The following IGF2BP2 variants were observed in gnomAD, a reference collection of about 807,000 sequenced individuals.
The protein encoded by IGF2BP2 is insulin-like growth factor 2 mRNA-binding protein 2.
Under a neutral mutation model 75.8 loss-of-function variants are expected in IGF2BP2, and 17 were observed. That is an observed-to-expected ratio of 0.22 (90% CI 0.15 to 0.34). The LOEUF (loss-of-function observed/expected upper bound fraction) is 0.34, where lower values mean the gene tolerates loss of function less well. IGF2BP2 is among the 10% of genes least tolerant of loss of function. The pLI is 1.00. For missense variants in IGF2BP2, 516 were observed against 772.4 expected (o/e 0.67, Z 3.93); for synonymous variants, 288 against 295.6 (o/e 0.97, Z 0.26).
intron 2 of IGF2BP2, among the ~76,000 whole-genome samples, chr3:185,735,086 T>A (rs960240779): frequency 2.6e-5 from 4 of 152,196 alleles, no homozygotes; most frequent in Admixed American, 2.6e-4. Flanking sequence ...TAATTTTATG[T>A]GCATTTTATC....
At chr3:185,744,744 A>G (rs921746612) in intron 2 of IGF2BP2, among the ~76,000 whole-genome samples, 8 of 152,172 alleles carry the variant, frequency 5.3e-5, no homozygotes, top group African/African-American at 1.7e-4. Flanking sequence ...TGGAAGTGGA[A>G]GTTGCAGTGA....
At chr3:185,820,242 A>T (rs548739259) in intron 2 of IGF2BP2, among the ~76,000 whole-genome samples, 3 of 67,734 alleles carry the variant, frequency 4.4e-5, no homozygotes, top group Admixed American at 1.1e-4. Context: ...ACATACACAC[A>T]CACACACACA....
chr3:185,809,688 A>T (rs2150001304), intron 2 of IGF2BP2, among the ~76,000 whole-genome samples: 1 of 152,294 alleles, frequency 6.6e-6, no homozygotes, highest in East Asian at 1.9e-4. Context: ...AAAAAGTTTT[A>T]AAAACCCATT....
intron 2 of IGF2BP2, among the ~76,000 whole-genome samples, chr3:185,778,169 A>G (rs1253765178): frequency 6.6e-6 from 1 of 152,184 alleles, no homozygotes; most frequent in Non-Finnish European, 1.5e-5. Context: ...TCCAATACAA[A>G]GTTGAGAGTA....
At chr3:185,705,093 C>G (rs1217632741) in intron 2 of IGF2BP2, among the ~76,000 whole-genome samples, 1 of 152,266 alleles carries the variant, frequency 6.6e-6, no homozygotes, top group East Asian at 1.9e-4. Context: ...CTGTGGTGAC[C>G]TGCTGCAAAG....
At chr3:185,665,136 G>A (rs1238349510) in intron 10 of IGF2BP2, among the ~76,000 whole-genome samples, 1 of 140,960 alleles carries the variant, frequency 7.1e-6, no homozygotes, top group Non-Finnish European at 1.5e-5. Context: ...CTGCACTCCA[G>A]CCTACTAGGT....
chr3:185,678,256 T>A (rs1393000898), intron 7 of IGF2BP2, among the ~76,000 whole-genome samples: 2 of 152,200 alleles, frequency 1.3e-5, no homozygotes, highest in African/African-American at 4.8e-5. Flanking sequence ...TATCTGCAGA[T>A]TTCTTAGCAG....
chr3:185,820,235 T>TACACACACACACAC (rs202064714), intron 2 of IGF2BP2, among the ~76,000 whole-genome samples: 260 of 102,796 alleles, frequency 2.5e-3, no homozygotes, highest in African/African-American at 8.9e-3. Flanking sequence ...TATATACACA[T>TACACACACACACAC]ACACACACAC....
intron 13 of IGF2BP2, among the ~76,000 whole-genome samples, chr3:185,651,443 A>G (rs2149059101): frequency 6.6e-6 from 1 of 152,278 alleles, no homozygotes; most frequent in East Asian, 1.9e-4. Context: ...CCTGGGCTCA[A>G]GGGATCCTCC....
intron 10 of IGF2BP2, among the ~76,000 whole-genome samples, chr3:185,664,875 T>A (rs1717040743): frequency 6.6e-6 from 1 of 152,024 alleles, no homozygotes; most frequent in South Asian, 2.1e-4. Flanking sequence ...TAAAATTAAT[T>A]ATGGAAGGAA....
At chr3:185,650,605 A>C (rs1371277527) in intron 13 of IGF2BP2, among the ~76,000 whole-genome samples, 1 of 151,940 alleles carries the variant, frequency 6.6e-6, no homozygotes, top group Non-Finnish European at 1.5e-5. Context: ...TGAACCCGAG[A>C]GATGGAGGTT....
At chr3:185,696,067 A>G (rs1046192349) in intron 4 of IGF2BP2, among the ~76,000 whole-genome samples, 1 of 152,132 alleles carries the variant, frequency 6.6e-6, no homozygotes, top group African/African-American at 2.4e-5. Context: ...GATTACAGGT[A>G]TGAGCCACCA....
chr3:185,698,165 G>C (rs922495210), intron 3 of IGF2BP2, 134 bp downstream of exon 3: 7 of 694,562 alleles, frequency 1.0e-5, no homozygotes, highest in African/African-American at 5.4e-5. Flanking sequence ...ACATACATTA[G>C]GGTACTGAAA....
At chr3:185,701,507 C>T (rs1025368213) in intron 2 of IGF2BP2, among the ~76,000 whole-genome samples, 6 of 152,272 alleles carry the variant, frequency 3.9e-5, no homozygotes, top group Non-Finnish European at 8.8e-5. Context: ...CTCATCCTCA[C>T]TGCCACAGAA....
chr3:185,799,933 T>C (rs1274539631), intron 2 of IGF2BP2, among the ~76,000 whole-genome samples: 2 of 152,228 alleles, frequency 1.3e-5, no homozygotes, highest in African/African-American at 4.8e-5. Context: ...ACTGGGTATA[T>C]ACCCAAAGGA....
intron 14 of IGF2BP2, among the ~76,000 whole-genome samples, chr3:185,648,194 C>T (rs1041634830): frequency 2.0e-5 from 3 of 152,188 alleles, no homozygotes; most frequent in East Asian, 3.8e-4. Flanking sequence ...TGGTGGCTCA[C>T]GCCTGTAATC....
At chr3:185,648,061 C>T (rs1560220164) in intron 14 of IGF2BP2, among the ~76,000 whole-genome samples, 2 of 151,560 alleles carry the variant, frequency 1.3e-5, no homozygotes, top group African/African-American at 2.4e-5. Context: ...ATTCTGGAGA[C>T]GGGGAATCCT....
At chr3:185,683,186 CA>C (rs1043024303) in intron 7 of IGF2BP2, among the ~76,000 whole-genome samples, 9 of 152,166 alleles carry the variant, frequency 5.9e-5, no homozygotes, top group African/African-American at 1.9e-4. Context: ...ATAAGCCAGT[CA>C]CAAAAGAATA....
At chr3:185,738,902 A>G (rs748447627) in intron 2 of IGF2BP2, among the ~76,000 whole-genome samples, 1 of 152,238 alleles carries the variant, frequency 6.6e-6, no homozygotes, top group South Asian at 2.1e-4. Context: ...TTTCTCAGGT[A>G]AAGTGGGAAT....
Sources: gnomAD v4.1 joint callset for allele counts (sites outside exome capture counted in the v4.1 genomes callset) on GRCh38, gnomAD v4.1.1 for gene constraint, MANE v1.5 for transcripts, NCBI Gene and HGNC (gene_info 2026-07-23, HGNC 2026-07-21) for gene names.